Variants in ZMIZ1 observed in about 807,000 individuals in gnomAD.
ZMIZ1 encodes zinc finger MIZ domain-containing protein 1.
A neutral mutation model predicts 113.9 loss-of-function variants in ZMIZ1; 17 were observed. The ratio of observed to expected loss-of-function variants is 0.15; its 90% confidence interval spans 0.10 to 0.22. ZMIZ1 has a LOEUF of 0.22. Ranked by LOEUF, ZMIZ1 falls within the 10% of genes least tolerant of loss-of-function variation. The pLI is 1.00. For missense variants in ZMIZ1, 1,059 were observed against 1,477.8 expected, an observed-to-expected ratio of 0.72 and a Z score of 4.65; for synonymous variants, 607 against 603.1, an observed-to-expected ratio of 1.01 and a Z score of -0.09.
intron 1 of ZMIZ1, among the ~76,000 whole-genome samples, chr10:79,116,817 G>A (rs953027974): frequency 3.3e-5 from 5 of 152,200 alleles, no homozygotes; most frequent in Admixed American, 3.3e-4. Context: ...AGCCCCCTGT[G>A]CCCTCTACTC....
chr10:79,101,768 G>A (rs1479520896), intron 1 of ZMIZ1, among the ~76,000 whole-genome samples: 2 of 152,202 alleles, frequency 1.3e-5, no homozygotes, highest in Non-Finnish European at 2.9e-5. Context: ...GAAGACAGCC[G>A]TGGGGCCTCA....
At chr10:79,242,980 GCGGCGGGCTGGGGGGCGGGGTGCGGA>G (rs1849935530) in intron 7 of ZMIZ1, among the ~76,000 whole-genome samples, 1 of 151,106 alleles carries the variant, frequency 6.6e-6, no homozygotes, top group African/African-American at 2.4e-5. Flanking sequence ...GTGAGTGCGG[GCGGCGGGCTGGGGGGCGGGGTGCGGA>G]CGGCGAGGCT....
chr10:79,144,852 C>T (rs1200887514), intron 3 of ZMIZ1, among the ~76,000 whole-genome samples: 3 of 152,010 alleles, frequency 2.0e-5, no homozygotes, highest in South Asian at 2.1e-4. Context: ...GTTCGGTGGG[C>T]GGGCTTGCTT....
intron 2 of ZMIZ1, among the ~76,000 whole-genome samples, chr10:79,122,299 C>G (rs550251809): frequency 6.6e-6 from 1 of 152,210 alleles, no homozygotes; most frequent in South Asian, 2.1e-4. Context: ...CCAAGCAGTC[C>G]AGGACAGAAG....
intron 7 of ZMIZ1, among the ~76,000 whole-genome samples, chr10:79,234,619 A>G (rs530706513): frequency 6.6e-6 from 1 of 152,350 alleles, no homozygotes; most frequent in Non-Finnish European, 1.5e-5. Context: ...AACATACTTA[A>G]TAGATAAACA....
chr10:79,175,923 C>G (rs1269419871), intron 4 of ZMIZ1, among the ~76,000 whole-genome samples: 1 of 152,012 alleles, frequency 6.6e-6, no homozygotes, highest in Non-Finnish European at 1.5e-5. Context: ...CAGGAATGTC[C>G]TGGATGGGAA....
In ZMIZ1 at chr10:79,292,372, A is replaced by G; in HGVS notation, c.957+16A>G. 1.9e-6 allele frequency: 3 copies of G among 1,595,700 alleles called. No individual in the cohort carries two copies. The highest frequency in any genetic ancestry group is 1.7e-4 in the Middle Eastern group (1 of 5,960). On this transcript the variant is annotated intron_variant, in intron 11 of 24. Coordinates refer to ENST00000334512, the MANE Select transcript of ZMIZ1 (RefSeq NM_020338.4). Reference sequence around the variant, plus strand: ...GTATGGACCGGTAAGGGTTCCCACTAATCCTGGTCCAGCCTTGCCCAGCCA... The same window carrying G: ...GTATGGACCGGTAAGGGTTCCCACTGATCCTGGTCCAGCCTTGCCCAGCCA...
At chr10:79,198,270 C>CA (rs1205414537) in intron 4 of ZMIZ1, among the ~76,000 whole-genome samples, 1 of 152,010 alleles carries the variant, frequency 6.6e-6, no homozygotes, top group Admixed American at 6.6e-5. Flanking sequence ...AACAAACAAA[C>CA]AAAAAAGCAT....
At chr10:79,276,540 C>T (rs113466213) in intron 7 of ZMIZ1, among the ~76,000 whole-genome samples, 11 of 152,116 alleles carry the variant, frequency 7.2e-5, no homozygotes, top group African/African-American at 2.7e-4. Flanking sequence ...TCTGGACATC[C>T]TTTGTCTTCC....
intron 1 of ZMIZ1, among the ~76,000 whole-genome samples, chr10:79,070,146 CG>C (rs375034492): frequency 0.24 from 9,517 of 40,078 alleles, 505 homozygotes; most frequent in East Asian, 0.55. Context: ...GAGCCGGGGT[CG>C]GGGGGGGGAG....
chr10:79,311,143 G>C lies in ZMIZ1; in HGVS notation c.3055G>C (p.Gly1019Arg). 6.2e-7 allele frequency: 1 copy of C among 1,613,482 alleles called. No homozygotes were observed. The highest frequency in any genetic ancestry group is 8.5e-7 in the Non-Finnish European group (1 of 1,179,942). The change falls in exon 24 of 25, where the codon GGA (glycine) becomes CGA (arginine). Residue 1019 changes from glycine to arginine, a missense_variant. Transcript: ENST00000334512. ...CTCCTCAGCCTTAGAGGGTCAGGCCGGAGCGCAGGGAGCGTCCGACATGCC... is the reference window on the plus strand; with the variant it reads ...CTCCTCAGCCTTAGAGGGTCAGGCCCGAGCGCAGGGAGCGTCCGACATGCC... ...NPSSALEGQA[G>R]AQGASDMPEP...
At chr10:79,272,210 C>T (rs1477011945) in intron 7 of ZMIZ1, among the ~76,000 whole-genome samples, 4 of 151,832 alleles carry the variant, frequency 2.6e-5, no homozygotes, top group East Asian at 1.9e-4. Flanking sequence ...CGCTTGAATC[C>T]GGGAGGCAGA....
Position 79,069,559 on chromosome 10 carries a change from G to GCGTTGCAAATAC in ZMIZ1, c.-337+289_-337+290insCGTTGCAAATAC. ...GGCGTAAGTGTGGTCGTGCGCGCGC[G>GCGTTGCAAATAC]GACCCGGTGCCCGCCTCCTGCCGGC... On this transcript the variant is annotated intron_variant, in intron 1 of 24. Coordinates refer to ENST00000334512, the MANE Select transcript of ZMIZ1 (RefSeq NM_020338.4). The surrounding 1 kb of genome is among the most constrained non-coding windows in gnomAD (Gnocchi z 4.6). Among the ~76,000 whole-genome samples, 1 of 151,760 alleles carries GCGTTGCAAATAC rather than the reference G, an allele frequency of 6.6e-6. No individual in the cohort carries two copies. The highest frequency in any genetic ancestry group is 2.0e-4 in the East Asian group (1 of 5,070).
chr10:79,236,117 C>A (rs539502912), intron 7 of ZMIZ1, among the ~76,000 whole-genome samples: 1 of 152,210 alleles, frequency 6.6e-6, no homozygotes, highest in African/African-American at 2.4e-5. Context: ...TTTCCAGGCA[C>A]GATGGGTCCG....
intron 8 of ZMIZ1, among the ~76,000 whole-genome samples, chr10:79,287,600 G>GC (rs1853168576): frequency 6.6e-6 from 1 of 152,244 alleles, no homozygotes; most frequent in African/African-American, 2.4e-5. Context: ...GACCCAAGGT[G>GC]CACATGTATT....
At chr10:79,300,285 C>T (rs1564598383) in intron 16 of ZMIZ1, among the ~76,000 whole-genome samples, 1 of 152,198 alleles carries the variant, frequency 6.6e-6, no homozygotes, top group Admixed American at 6.5e-5. Context: ...GTGCTGCGTC[C>T]TTGGGGGGCC....
At chr10:79,184,289 C>T (rs1475487162) in intron 4 of ZMIZ1, among the ~76,000 whole-genome samples, 1 of 152,220 alleles carries the variant, frequency 6.6e-6, no homozygotes, top group African/African-American at 2.4e-5. Context: ...TCTCCTTCCA[C>T]CCCTCTCCCG....
chr10:79,224,941 G>T (rs369187752), intron 7 of ZMIZ1, among the ~76,000 whole-genome samples: 1 of 152,196 alleles, frequency 6.6e-6, no homozygotes, highest in Non-Finnish European at 1.5e-5. Context: ...TGGACACCTG[G>T]GGCTCAGTCC....
intron 11 of ZMIZ1, 152 bp from the exon 12 acceptor site, chr10:79,293,229 G>A (rs560932673): frequency 9.4e-7 from 1 of 1,067,026 alleles, no homozygotes; most frequent in South Asian, 1.7e-5. Context: ...GCTCCCCTGG[G>A]GCCTGGTTGG....
Sources: gnomAD v4.1 joint callset for allele counts (sites outside exome capture counted in the v4.1 genomes callset) on GRCh38, gnomAD v4.1.1 for gene constraint, Gnocchi (gnomAD v3.1) non-coding constraint, MANE v1.5 for transcripts, NCBI Gene and HGNC (gene_info 2026-07-23, HGNC 2026-07-21) for gene names.